BCL9: variants seen among roughly 807,000 people sequenced by gnomAD.
BCL9 encodes the protein B-cell CLL/lymphoma 9 protein.
BCL9 carries 25 observed loss-of-function variants against 88.5 expected under a neutral mutation model. The ratio of observed to expected loss-of-function variants is 0.28; its 90% CI spans 0.21 to 0.39. The LOEUF is 0.39. Among genes scored for constraint, BCL9 ranks in the 10% least tolerant of loss-of-function variants. BCL9 has a pLI of 1.00. For synonymous variants in BCL9, 711 were observed against 673.3 expected (o/e 1.06, Z -0.87); for missense variants, 1,817 against 1,877.8 (o/e 0.97, Z 0.60).
chr1:147,547,237 A>G (rs1223719105), intron 1 of BCL9, among the ~76,000 whole-genome samples: 3 of 152,172 alleles, frequency 2.0e-5, no homozygotes, highest in Non-Finnish European at 4.4e-5. Flanking sequence ...CCTTTAAGAT[A>G]TGAGTAATAA....
In BCL9 at chr1:147,620,106, G is replaced by A. The variant is rs1658534937; in HGVS notation, c.1951G>A (p.Gly651Ser). Reference protein sequence around the residue: ...LGLPPGMAMEGIRPSMEMNRM... With the variant: ...LGLPPGMAMESIRPSMEMNRM... ...TCTCCCCCCAGGGATGGCCATGGAA[G>A]GCATCAGGCCCAGCATGGAGATGAA... Residue 651 changes from glycine (G) to serine (S), a missense_variant, in exon 8 of 10, where the codon GGC becomes AGC. Around this residue, in one of 2 missense-constraint regions of BCL9, gnomAD observed 1,228 missense variants for 1,191.6 expected, o/e 1.03. Transcript: ENST00000234739. The A allele has an allele frequency of 6.2e-7, 1 of 1,614,196 alleles. No individual in the cohort carries two copies. The highest frequency in any genetic ancestry group is 1.6e-4 in the Middle Eastern group (1 of 6,062).
At chr1:147,586,708 C>A (rs782651401) in intron 1 of BCL9, among the ~76,000 whole-genome samples, 78 of 152,302 alleles carry the variant, frequency 5.1e-4, no homozygotes, top group African/African-American at 1.4e-3. Context: ...CCGTAGTCTT[C>A]AGCCCCTGTG....
At chr1:147,549,356 C>G (rs868965319) in intron 1 of BCL9, among the ~76,000 whole-genome samples, 17 of 152,052 alleles carry the variant, frequency 1.1e-4, no homozygotes, top group African/African-American at 3.4e-4. Context: ...CTTGTGATTT[C>G]CTACAACTTT....
chr1:147,579,829 C>G (rs183591437), intron 1 of BCL9, among the ~76,000 whole-genome samples: 1 of 152,352 alleles, frequency 6.6e-6, no homozygotes, highest in Non-Finnish European at 1.5e-5. Flanking sequence ...TAACTCGAAC[C>G]ACAGCAGCAG....
At chr1:147,581,454 A>G (rs1656365463) in intron 1 of BCL9, among the ~76,000 whole-genome samples, 1 of 152,216 alleles carries the variant, frequency 6.6e-6, no homozygotes, top group South Asian at 2.1e-4. Context: ...AACACTTGGA[A>G]GAGAGAAGTC....
At position 147,620,599 on chromosome 1, in the gene BCL9, G is replaced by T; in HGVS notation, c.2444G>T (p.Ser815Ile). The T allele has an allele frequency of 5.0e-6, 8 of 1,614,160 alleles. No individual in the cohort carries two copies. The highest frequency in any genetic ancestry group is 6.8e-6 in the Non-Finnish European group (8 of 1,180,032). The change falls in exon 8 of 10, where the codon AGT becomes ATT. Residue 815 changes from serine (S) to isoleucine (I), a missense_variant. By Grantham distance (142) the Ser-to-Ile change is moderately radical. This residue lies in a region of BCL9 where 1,228 missense variants were observed against 1,191.6 expected (regional missense o/e 1.03). Coordinates refer to ENST00000234739, the MANE Select transcript of BCL9 (RefSeq NM_004326.4). Reference sequence around the variant, plus strand: ...GACCAGAGGACTAACAGCCGGCTCAGTCATATGCCACCACTACCTCTCAAC... The same window carrying T: ...GACCAGAGGACTAACAGCCGGCTCATTCATATGCCACCACTACCTCTCAAC... ...GPDQRTNSRLSHMPPLPLNPS... is the reference protein window; with the variant it reads ...GPDQRTNSRLIHMPPLPLNPS...
chr1:147,556,236 G>A (rs933181523), intron 1 of BCL9, among the ~76,000 whole-genome samples: 12 of 151,084 alleles, frequency 7.9e-5, no homozygotes, highest in Admixed American at 2.0e-4. Flanking sequence ...CTCCTGCCTC[G>A]GCCTCCTGAG....
chr1:147,614,424 T>C lies in BCL9; in HGVS notation c.371-3T>C. The C allele has an allele frequency of 3.1e-6, 5 of 1,613,382 alleles. No individual in the cohort carries two copies. In the South Asian group the frequency reaches 5.5e-5, roughly 18 times the overall value. ...TCTGTGACGAGTCATTTTATTCTTTTAGAATGTAATTCTGCTGACCACATA... is the reference window on the plus strand; with the variant it reads ...TCTGTGACGAGTCATTTTATTCTTTCAGAATGTAATTCTGCTGACCACATA... On this transcript the variant is annotated splice_polypyrimidine_tract_variant and splice_region_variant and intron_variant, in intron 5 of 9. Coordinates refer to ENST00000234739, the MANE Select transcript of BCL9 (RefSeq NM_004326.4).
Position 147,570,653 on chromosome 1 carries a change from T to TTTTG in BCL9, c.-478+28979_-478+28980insTTTG, listed in dbSNP as rs1481643504. On this transcript the variant is annotated intron_variant, in intron 1 of 9. Transcript: ENST00000234739. ...TTCTTTTTTTTCTTTTTTTTTTTTG[T>TTTTG]AGATGGAGTTTTGCTCTTGTTGCAT... Among the ~76,000 whole-genome samples the TTTTG allele has an allele frequency of 3.5e-4, 18 of 51,252 alleles. 1 individual carries two copies. The South Asian group carries it at 6.8e-3, about 19-fold the overall frequency. The allele number at this position is 51,252 out of a possible 152,430, so 33.6% of individuals were successfully genotyped here.
intron 1 of BCL9, among the ~76,000 whole-genome samples, chr1:147,548,663 A>G (rs1553194506): frequency 6.6e-6 from 1 of 152,218 alleles, no homozygotes; most frequent in African/African-American, 2.4e-5. Context: ...CAGGCAATCA[A>G]TAAATGTTGG....
intron 1 of BCL9, among the ~76,000 whole-genome samples, chr1:147,560,419 C>T (rs1655321962): frequency 6.6e-6 from 1 of 151,270 alleles, no homozygotes; most frequent in Admixed American, 6.6e-5. Flanking sequence ...GTGAAACCCC[C>T]TCTCTACTAA....
In BCL9 at chr1:147,620,453, A is replaced by C. The variant is rs369043753; in HGVS notation, c.2298A>C (p.Pro766=). The C allele has an allele frequency of 6.2e-6, 10 of 1,614,064 alleles. No homozygotes were observed. The South Asian group carries it at 9.9e-5, about 16-fold the overall frequency. The change falls in exon 8 of 10, where the codon CCA becomes CCC. Residue 766 remains proline, a synonymous_variant. Transcript: ENST00000234739. ...DMLPAQQKMV[P]LPFGEHPQQE... ...TGCCTGCTCAGCAGAAGATGGTGCC[A>C]CTGCCATTTGGTGAGCACCCCCAGC...
At chr1:147,609,147 G>C (rs587653406) in intron 3 of BCL9, among the ~76,000 whole-genome samples, 2 of 152,164 alleles carry the variant, frequency 1.3e-5, no homozygotes, top group African/African-American at 4.8e-5. Flanking sequence ...AGTTATGTTG[G>C]GGGAAAAAAA....
intron 1 of BCL9, among the ~76,000 whole-genome samples, chr1:147,558,848 C>T (rs114496685): frequency 7.9e-4 from 120 of 152,328 alleles, no homozygotes; most frequent in Middle Eastern, 3.4e-3. Context: ...AGTAGGTGAA[C>T]TATCACCTCC....
chr1:147,567,611 T>C (rs1342778742), intron 1 of BCL9, among the ~76,000 whole-genome samples: 1 of 152,190 alleles, frequency 6.6e-6, no homozygotes, highest in Non-Finnish European at 1.5e-5. Context: ...ATTCAATATC[T>C]TTAAAGCATC....
chr1:147,602,451 C>T (rs1370923552), intron 1 of BCL9, among the ~76,000 whole-genome samples: 1 of 152,056 alleles, frequency 6.6e-6, no homozygotes, highest in Non-Finnish European at 1.5e-5. Context: ...ACCTCGTGAT[C>T]CGCCTGCCTC....
chr1:147,615,446 A>G (rs1332602110), intron 6 of BCL9, among the ~76,000 whole-genome samples: 3 of 152,290 alleles, frequency 2.0e-5, no homozygotes, highest in Admixed American at 1.3e-4. Flanking sequence ...GCCTTAAACT[A>G]TCACTAGGTA....
chr1:147,549,566 T>C (rs921638062), intron 1 of BCL9, among the ~76,000 whole-genome samples: 3 of 152,220 alleles, frequency 2.0e-5, no homozygotes, highest in African/African-American at 7.2e-5. Context: ...GAATCTGCAG[T>C]TGTGACCATC....
chr1:147,560,631 G>C (rs1553196004), intron 1 of BCL9, among the ~76,000 whole-genome samples: 1 of 151,590 alleles, frequency 6.6e-6, no homozygotes, highest in Non-Finnish European at 1.5e-5. Flanking sequence ...ATAAGGCCAG[G>C]AGCAGTGGCT....
Sources: gnomAD v4.1 joint callset for allele counts (sites outside exome capture counted in the v4.1 genomes callset) on GRCh38, gnomAD v4.1.1 for gene constraint, gnomAD v4.1.1 regional missense constraint, MANE v1.5 for transcripts, NCBI Gene and HGNC (gene_info 2026-07-23, HGNC 2026-07-21) for gene names.